The following AKAP13 variants were observed in gnomAD, a reference collection of about 807,000 sequenced individuals.
AKAP13 encodes the protein A-kinase anchor protein 13.
Under a neutral mutation model 264.5 loss-of-function variants are expected in AKAP13, and 80 were observed. That is an observed-to-expected ratio of 0.30 (90% CI 0.25 to 0.36). AKAP13 has a LOEUF of 0.36. AKAP13 is among the 10% of genes least tolerant of loss of function. The pLI, the probability that AKAP13 is intolerant of heterozygous loss-of-function variation, is 1.00. For missense variants in AKAP13, 3,712 were observed against 3,435.2 expected (o/e 1.08, Z -2.01); for synonymous variants, 1,380 against 1,250.2 (o/e 1.10, Z -2.19).
intron 1 of AKAP13, chr15:85,381,793 A>G (rs2070287531): frequency 6.6e-6 from 1 of 152,092 alleles, no homozygotes; most frequent in Non-Finnish European, 1.5e-5. Flanking sequence ...GCTTCAGTAC[A>G]GTAAAAACCA....
chr15:85,471,325 C>G (rs556467323), intron 1 of AKAP13, among the ~76,000 whole-genome samples: 28 of 152,228 alleles, frequency 1.8e-4, no homozygotes, highest in Middle Eastern at 6.8e-3. Flanking sequence ...GAAACCCTGT[C>G]TCTACTAAAA....
chr15:85,428,137 C>A (rs539400386), intron 1 of AKAP13, among the ~76,000 whole-genome samples: 2 of 152,268 alleles, frequency 1.3e-5, no homozygotes, highest in East Asian at 3.9e-4. Context: ...TCTTGCTTTT[C>A]CTCCTGTATA....
intron 14 of AKAP13, among the ~76,000 whole-genome samples, chr15:85,673,347 T>C (rs2084021497): frequency 6.6e-6 from 1 of 152,166 alleles, no homozygotes; most frequent in Non-Finnish European, 1.5e-5. Flanking sequence ...CTGCAGTGTC[T>C]CCTGTCTTGG....
At chr15:85,684,518 C>T (rs1195772055) in intron 15 of AKAP13, 1 of 441,960 alleles carries the variant, frequency 2.3e-6, no homozygotes, top group South Asian at 3.3e-5. Flanking sequence ...GAGCTATCAT[C>T]ACACCACTCA....
At chr15:85,716,699 T>G (rs976345998) in intron 20 of AKAP13, among the ~76,000 whole-genome samples, 8 of 152,240 alleles carry the variant, frequency 5.3e-5, no homozygotes, top group Admixed American at 5.2e-4. Context: ...CAGGTATTTT[T>G]GTTTTGTTTT....
rs1020486882 is a variant in AKAP13 at position 85,722,378 on chromosome 15, G to A, written c.6496+31G>A. ...TCTCCTTTCTAACTCGGTCTTGTATGGTCATGGACTGTTTCCTCTGTGGCC... is the reference window on the plus strand; with the variant it reads ...TCTCCTTTCTAACTCGGTCTTGTATAGTCATGGACTGTTTCCTCTGTGGCC... On this transcript the variant is annotated intron_variant, in intron 25 of 36. Coordinates refer to ENST00000394518, the MANE Select transcript of AKAP13 (RefSeq NM_007200.5). The A allele has an allele frequency of 1.9e-6, 3 of 1,549,644 alleles. No homozygotes were observed. The African/African-American group carries it at 4.1e-5, about 21-fold the overall frequency.
intron 1 of AKAP13, among the ~76,000 whole-genome samples, chr15:85,454,167 G>A (rs534235556): frequency 1.3e-5 from 2 of 152,228 alleles, no homozygotes; most frequent in African/African-American, 4.8e-5. Flanking sequence ...CTTTCCTAGG[G>A]GTATTTACAG....
At chr15:85,553,118 C>G (rs143479080) in intron 5 of AKAP13, among the ~76,000 whole-genome samples, 2,012 of 113,560 alleles carry the variant, frequency 0.018, 30 homozygotes, top group Middle Eastern at 0.049. Flanking sequence ...CGGAGTTTCG[C>G]TCTTTTTGCC....
intron 1 of AKAP13, among the ~76,000 whole-genome samples, chr15:85,441,817 G>T (rs1411372953): frequency 1.3e-5 from 2 of 151,826 alleles, no homozygotes; most frequent in East Asian, 3.9e-4. Context: ...TCTTACATAT[G>T]CTGTGAACAC....
At chr15:85,486,739 C>CTTT (rs562767898) in intron 2 of AKAP13, among the ~76,000 whole-genome samples, 26,926 of 115,382 alleles carry the variant, frequency 0.23, 4,035 homozygotes, top group African/African-American at 0.29. Flanking sequence ...TTGTTCAGTT[C>CTTT]TTTTTTTTTT....
intron 1 of AKAP13, among the ~76,000 whole-genome samples, chr15:85,439,057 G>A (rs1420611889): frequency 1.7e-4 from 25 of 150,376 alleles, no homozygotes; most frequent in Middle Eastern, 6.8e-3. Flanking sequence ...GAAAATTTTC[G>A]CAACCTACTC....
In AKAP13 at chr15:85,533,791, A is replaced by G; in HGVS notation, c.389A>G (p.Asn130Ser). The change falls in exon 4 of 37, where the codon AAT becomes AGT. Residue 130 changes from asparagine to serine, a missense_variant. Around this residue, in one of 3 missense-constraint regions of AKAP13, gnomAD observed 2,759 missense variants for 2,411.7 expected, o/e 1.14. Coordinates refer to ENST00000394518, the MANE Select transcript of AKAP13 (RefSeq NM_007200.5). Reference sequence around the variant, plus strand: ...TCAGGACCCCCATCTGGGGATGTGAATTCCCTTGATAAGAAGTTGGTGCTG... The same window carrying G: ...TCAGGACCCCCATCTGGGGATGTGAGTTCCCTTGATAAGAAGTTGGTGCTG... The part of the protein sequence containing the change: ...DQSGPPSGDV[N>S]SLDKKLVLAF... The G allele has an allele frequency of 6.2e-7, 1 of 1,614,010 alleles. No homozygotes were observed. The highest frequency in any genetic ancestry group is 8.5e-7 in the Non-Finnish European group (1 of 1,179,938).
intron 9 of AKAP13, among the ~76,000 whole-genome samples, chr15:85,643,420 G>A (rs546153746): frequency 6.6e-6 from 1 of 152,190 alleles, no homozygotes; most frequent in South Asian, 2.1e-4. Flanking sequence ...CTTGCTCTAA[G>A]CTACCAGCGC....
At chr15:85,382,696 A>G (rs1298221983) in intron 1 of AKAP13, among the ~76,000 whole-genome samples, 1 of 152,204 alleles carries the variant, frequency 6.6e-6, no homozygotes. Flanking sequence ...CTGCACACAT[A>G]CTATACTATA....
chr15:85,649,375 CAGAT>C (rs1186243132), intron 10 of AKAP13, among the ~76,000 whole-genome samples: 5 of 152,214 alleles, frequency 3.3e-5, no homozygotes, highest in African/African-American at 1.2e-4. Flanking sequence ...GTGGCACTGG[CAGAT>C]AGGCCATCAG....
At position 85,664,589 on chromosome 15, in the gene AKAP13, G is replaced by A. The variant is rs760058756; in HGVS notation, c.4826G>A (p.Gly1609Glu). ...RSFSLEGLTG[G>E]AGVGNKPSSS... ...TTCAGTCTAGAAGGCTTGACAGGAGGAGCTGGTGTCGGAAACAAGCCATCC... is the reference window on the plus strand; with the variant it reads ...TTCAGTCTAGAAGGCTTGACAGGAGAAGCTGGTGTCGGAAACAAGCCATCC... The change falls in exon 13 of 37, where the codon GGA (glycine) becomes GAA (glutamate). Residue 1609 changes from glycine (G) to glutamate (E), a missense_variant. This residue lies in a region of AKAP13 where 2,759 missense variants were observed against 2,411.7 expected (regional missense o/e 1.14). Coordinates refer to ENST00000394518, the MANE Select transcript of AKAP13 (RefSeq NM_007200.5). 16 of 1,613,254 alleles carry A rather than the reference G, an allele frequency of 9.9e-6. No individual in the cohort carries two copies. Among genetic ancestry groups the A allele is most frequent in the Non-Finnish European group, 1.3e-5 (15 of 1,179,502 alleles).
At chr15:85,436,942 T>C (rs535008495) in intron 1 of AKAP13, among the ~76,000 whole-genome samples, 2 of 151,782 alleles carry the variant, frequency 1.3e-5, no homozygotes, top group Admixed American at 1.3e-4. Context: ...ATTCAAAAGC[T>C]AGCAGAAGGC....
At chr15:85,457,916 T>A (rs2074337940) in intron 1 of AKAP13, among the ~76,000 whole-genome samples, 2 of 151,892 alleles carry the variant, frequency 1.3e-5, no homozygotes, top group South Asian at 4.2e-4. Context: ...CCAAGTCAGG[T>A]GGATCATGAG....
intron 17 of AKAP13, among the ~76,000 whole-genome samples, chr15:85,694,750 G>C (rs544224630): frequency 1.3e-5 from 2 of 152,286 alleles, no homozygotes; most frequent in African/African-American, 2.4e-5. Context: ...TGGAGTTCCA[G>C]CCAGTCCAGG....
Sources: allele counts gnomAD v4.1 joint callset (sites outside exome capture counted in the v4.1 genomes callset), GRCh38; gene constraint gnomAD v4.1.1; regional missense constraint gnomAD v4.1.1; transcripts MANE v1.5; gene names NCBI Gene and HGNC (gene_info 2026-07-23, HGNC 2026-07-21).